The following LRTM1 variants were observed in gnomAD, a reference collection of about 807,000 sequenced individuals.
LRTM1 encodes leucine rich repeat transmembrane protein 1, also known as leucine-rich repeat and transmembrane domain-containing protein 1.
LRTM1 carries 38 observed loss-of-function variants against 32.4 expected under a neutral mutation model. The ratio of observed to expected loss-of-function variants is 1.17; its 90% CI spans 0.91 to 1.54. LRTM1 has a LOEUF of 1.54. LRTM1 is among the 40% of genes most tolerant of loss of function. LRTM1 has a pLI of 0.00. For missense variants in LRTM1, 466 were observed against 415.4 expected (o/e 1.12, Z -1.06); for synonymous variants, 186 against 169.9 (o/e 1.09, Z -0.74).
chr3:54,965,315 C>T (rs1179389134), intron 1 of LRTM1, among the ~76,000 whole-genome samples: 7 of 152,140 alleles, frequency 4.6e-5, no homozygotes, highest in Admixed American at 3.9e-4. Context: ...ACTGGGTCCC[C>T]GTTCCCATTC....
chr3:54,924,559 A>G, intron 2 of LRTM1, 60 bp downstream of exon 2: 4 of 1,348,288 alleles, frequency 3.0e-6, no homozygotes, highest in Non-Finnish European at 3.1e-6. Context: ...CAGAGAACAG[A>G]TGAGATTCAT....
rs372086680 is a variant in LRTM1, at chr3:54,924,732, G to T, written c.491C>A (p.Ala164Glu). 9.3e-6 allele frequency: 15 copies of T among 1,613,982 alleles called. No individual in the cohort carries two copies. The highest frequency in any genetic ancestry group is 2.2e-5 in the East Asian group (1 of 44,876). ...CACACTGGGCATGGATTCCAGGAGC[G>T]CTCGATCAAGCTGCTGAAGCTGGTT... Reference protein sequence around the residue: ...QQNQLQQLDRALLESMPSVRL... With the variant: ...QQNQLQQLDRELLESMPSVRL... The change falls in exon 2 of 3, where the codon GCG becomes GAG. Residue 164 changes from alanine (A) to glutamate (E), a missense_variant. Physicochemically the swap from Ala to Glu is moderately radical, Grantham distance 107. Transcript: ENST00000273286.
chr3:54,951,077 C>CAA (rs1575401734), intron 1 of LRTM1, among the ~76,000 whole-genome samples: 1 of 151,992 alleles, frequency 6.6e-6, no homozygotes, highest in African/African-American at 2.4e-5. Flanking sequence ...TATATGCTGC[C>CAA]AAAAAAATCT....
At chr3:54,956,947 TA>T (rs1041882555) in intron 1 of LRTM1, among the ~76,000 whole-genome samples, 12 of 152,252 alleles carry the variant, frequency 7.9e-5, no homozygotes, top group African/African-American at 2.4e-4. Context: ...AACTTCTTAG[TA>T]GGAGACTTGA....
chr3:54,965,406 G>A (rs751792793), intron 1 of LRTM1, among the ~76,000 whole-genome samples: 10 of 152,028 alleles, frequency 6.6e-5, no homozygotes, highest in Non-Finnish European at 1.2e-4. Context: ...CATTTGGATT[G>A]CCATCTTCCC....
At chr3:54,922,134 G>A (rs546503341) in intron 2 of LRTM1, among the ~76,000 whole-genome samples, 25 of 152,160 alleles carry the variant, frequency 1.6e-4, no homozygotes, top group African/African-American at 5.1e-4. Context: ...GTTGAAATGC[G>A]TCACAGAATC....
intron 2 of LRTM1, among the ~76,000 whole-genome samples, chr3:54,919,543 C>G (rs879682960): frequency 6.6e-6 from 1 of 152,138 alleles, no homozygotes; most frequent in Non-Finnish European, 1.5e-5. Context: ...TTATTAAACC[C>G]AGTTTCCATT....
intron 1 of LRTM1, among the ~76,000 whole-genome samples, chr3:54,947,344 C>T (rs1210258658): frequency 6.6e-6 from 1 of 152,052 alleles, no homozygotes; most frequent in African/African-American, 2.4e-5. Context: ...TAATGCAAAC[C>T]TAAGAGACAG....
chr3:54,928,132 C>T, upstream of LRTM1: 6 of 551,102 alleles, frequency 1.1e-5, no homozygotes, highest in Non-Finnish European at 1.9e-5. Flanking sequence ...GATCAGTTTC[C>T]ATAAGAGGAT....
chr3:54,962,343 A>T (rs1365931465), intron 1 of LRTM1, among the ~76,000 whole-genome samples: 2 of 152,188 alleles, frequency 1.3e-5, no homozygotes, highest in Non-Finnish European at 2.9e-5. Context: ...CACTCTAAGG[A>T]ACATTCCTAG....
intron 1 of LRTM1, among the ~76,000 whole-genome samples, chr3:54,964,674 A>C (rs1256283905): frequency 6.6e-6 from 1 of 152,138 alleles, no homozygotes; most frequent in Admixed American, 6.5e-5. Flanking sequence ...GTGGACCAAA[A>C]CTAAGGAAAA....
intron 2 of LRTM1, among the ~76,000 whole-genome samples, chr3:54,923,660 T>C (rs1173685673): frequency 6.6e-6 from 1 of 152,178 alleles, no homozygotes; most frequent in Non-Finnish European, 1.5e-5. Context: ...CACTCAAATA[T>C]AGAAATGAAT....
intron 1 of LRTM1, among the ~76,000 whole-genome samples, chr3:54,936,695 G>T (rs1227834778): frequency 6.6e-6 from 1 of 152,060 alleles, no homozygotes; most frequent in South Asian, 2.1e-4. Context: ...CAGTCAGCCC[G>T]TCGCTAGTAG....
chr3:54,924,730 G>A lies in LRTM1; in HGVS notation c.493C>T (p.Leu165Phe), dbSNP rs2106939888. 1 of 1,614,158 alleles carries A rather than the reference G, an allele frequency of 6.2e-7. No homozygotes were observed. Among genetic ancestry groups the A allele is most frequent in the Non-Finnish European group, 8.5e-7 (1 of 1,180,038 alleles). ...QNQLQQLDRA[L>F]LESMPSVRLL... is the part of the protein sequence containing the mutation. The stretch of plus-strand genomic sequence containing the variant: ...CTCACACTGGGCATGGATTCCAGGA[G>A]CGCTCGATCAAGCTGCTGAAGCTGG... The change falls in exon 2 of 3, where the codon CTC (leucine) becomes TTC (phenylalanine). Residue 165 changes from leucine (L) to phenylalanine (F), a missense_variant. Leu to Phe is a conservative substitution (Grantham distance 22, BLOSUM62 0). Coordinates refer to ENST00000273286, the MANE Select transcript of LRTM1 (RefSeq NM_020678.4).
chr3:54,925,909 C>T (rs908554663), intron 1 of LRTM1, among the ~76,000 whole-genome samples: 2 of 152,198 alleles, frequency 1.3e-5, no homozygotes, highest in African/African-American at 4.8e-5. Flanking sequence ...AGGATAGTGT[C>T]TGCTGCTTTT....
chr3:54,956,268 C>A (rs1051364079), intron 1 of LRTM1, among the ~76,000 whole-genome samples: 1 of 152,230 alleles, frequency 6.6e-6, no homozygotes, highest in Non-Finnish European at 1.5e-5. Context: ...GACCCGTAAG[C>A]GCATGGTCTT....
intron 1 of LRTM1, among the ~76,000 whole-genome samples, chr3:54,950,072 GGTT>G (rs1701718356): frequency 6.6e-6 from 1 of 152,198 alleles, no homozygotes; most frequent in Non-Finnish European, 1.5e-5. Context: ...CATGCTAAGT[GGTT>G]GGCACCTGAA....
rs998068419 is a variant in LRTM1 at position 54,924,742 on chromosome 3, G to A, written c.481C>T (p.Leu161Phe). The A allele has an allele frequency of 1.9e-6, 3 of 1,614,028 alleles. No individual in the cohort carries two copies. In the African/African-American group the frequency reaches 4.0e-5, roughly 22 times the overall value. ...ATGGATTCCAGGAGCGCTCGATCAA[G>A]CTGCTGAAGCTGGTTTTGTTGAACC... ...LAVQQNQLQQ[L>F]DRALLESMPS... The change falls in exon 2 of 3, where the codon CTT becomes TTT. Residue 161 changes from leucine (L) to phenylalanine (F), a missense_variant. Leu to Phe is a conservative substitution (Grantham distance 22). Transcript: ENST00000273286.
chr3:54,937,532 C>G (rs1701360506), intron 1 of LRTM1, among the ~76,000 whole-genome samples: 1 of 152,080 alleles, frequency 6.6e-6, no homozygotes, highest in African/African-American at 2.4e-5. Flanking sequence ...CTGTGCAGTT[C>G]AAACTCGTGT....
Sources: gnomAD v4.1 joint callset for allele counts (sites outside exome capture counted in the v4.1 genomes callset) on GRCh38, gnomAD v4.1.1 for gene constraint, MANE v1.5 for transcripts, NCBI Gene and HGNC (gene_info 2026-07-23, HGNC 2026-07-21) for gene names.